The following ZNF20 variants were observed in gnomAD, a reference collection of about 807,000 sequenced individuals.
The protein encoded by ZNF20 is zinc finger protein KOX13.
Under a neutral mutation model 11.0 loss-of-function variants are expected in ZNF20, and 9 were observed. That is an observed-to-expected ratio of 0.82 (90% confidence interval 0.49 to 1.43). The LOEUF (loss-of-function observed/expected upper bound fraction) is 1.43, where lower values mean the gene tolerates loss of function less well. Ranked by LOEUF, ZNF20 falls within the 40% of genes most tolerant of loss-of-function variation. The probability of loss-of-function intolerance (pLI) is 0.00; values close to 1 mark genes in which losing one functional copy is unlikely to be tolerated. For synonymous variants in ZNF20, 182 were observed against 213.0 expected (o/e 0.85, Z 1.27); for missense variants, 528 against 640.8 (o/e 0.82, Z 1.90).
chr19:12,132,808 A>G lies in ZNF20; in HGVS notation c.1378T>C (p.Phe460Leu). The G allele has an allele frequency of 6.2e-7, 1 of 1,613,866 alleles. No individual in the cohort carries two copies. Among genetic ancestry groups the G allele is most frequent in the Non-Finnish European group, 8.5e-7 (1 of 1,179,978 alleles). ...TATCGAATGGAACTGGAACAAGTGA[A>G]GGCTTTGCCACATACCTTACACTCA... ...PYECKVCGKA[F>L]TCSSSIRYHE... Residue 460 changes from phenylalanine to leucine, a missense_variant, in exon 4 of 4, where the codon TTC becomes CTC. Physicochemically the swap from Phe to Leu is conservative, Grantham distance 22. Transcript: ENST00000334213.
rs1016008587 is a variant in ZNF20, at chr19:12,133,835, A to G, written c.351T>C (p.His117=). The change falls in exon 4 of 4, where the codon CAT becomes CAC. Residue 117 remains histidine, a synonymous_variant. Coordinates refer to ENST00000334213, the MANE Select transcript of ZNF20 (RefSeq NM_021143.4). ...CTCTGATATGCGTATTAAGAGATGA[A>G]TGACCCGTGCCAACTTCTCCACACA... ...SSVCGEVGTG[H]SSLNTHIRAD... is the part of the protein sequence containing the mutation. 3 of 1,614,090 alleles carry G rather than the reference A, an allele frequency of 1.9e-6. No homozygotes were observed. The African/African-American group carries it at 4.0e-5, about 22-fold the overall frequency.
intron 1 of ZNF20, 125 bp downstream of exon 1, chr19:12,140,055 G>A: frequency 7.6e-7 from 1 of 1,309,922 alleles, no homozygotes; most frequent in Non-Finnish European, 1.1e-6. Context: ...GACGAGCTGA[G>A]ACAGAGGGAT....
chr19:12,135,661 T>C (rs1287855096), intron 2 of ZNF20, 101 bp from the exon 3 acceptor site: 9 of 1,588,324 alleles, frequency 5.7e-6, no homozygotes, highest in Admixed American at 1.8e-5. Context: ...CCATGCCTGA[T>C]TTATTCATCA....
rs749629923 is a variant in ZNF20, at chr19:12,133,980, A to G, written c.206T>C (p.Met69Thr). 6.2e-6 allele frequency: 10 copies of G among 1,601,268 alleles called. No individual in the cohort carries two copies. The highest frequency in any genetic ancestry group is 2.2e-5 in the South Asian group (2 of 89,628). ...TTTACTTTCACAGAGTTTCTCTCTC[A>G]TAAGACTTCAGTGAAAAATGAGAAG... Reference protein sequence around the residue: ...YKNPRRNLSLMREKLCESKES... With the variant: ...YKNPRRNLSLTREKLCESKES... Residue 69 changes from methionine to threonine, a missense_variant, in exon 4 of 4, where the codon ATG (methionine) becomes ACG (threonine). Met to Thr is a moderately conservative substitution (Grantham distance 81). Transcript: ENST00000334213.
Position 12,140,295 on chromosome 19 carries a change from G to C in ZNF20, c.-113C>G. On this transcript the variant is annotated 5_prime_UTR_variant, in exon 1 of 4. Transcript: ENST00000334213. ...GTGGCAGAGGGACCCGGGGCCTCTC[G>C]GAGTAGGAAATCTGGTATCCCGACA... 1 of 1,387,586 alleles carries C rather than the reference G, an allele frequency of 7.2e-7. No homozygotes were observed. Among genetic ancestry groups the C allele is most frequent in the South Asian group, 1.2e-5 (1 of 80,922 alleles). The allele number at this position is 1,387,586 out of a possible 1,614,324, so 86.0% of individuals were successfully genotyped here. A position where few individuals can be genotyped will look rare whatever the true frequency, so the allele number is the denominator to read the frequency against.
In ZNF20 at chr19:12,140,288, G is replaced by T; in HGVS notation, c.-106C>A. ...AGAAGTTGTGGCAGAGGGACCCGGG[G>T]CCTCTCGGAGTAGGAAATCTGGTAT... On this transcript the variant is annotated 5_prime_UTR_variant, in exon 1 of 4. Transcript: ENST00000334213. 1 of 1,436,442 alleles carries T rather than the reference G, an allele frequency of 7.0e-7. No homozygotes were observed. Among genetic ancestry groups the T allele is most frequent in the Non-Finnish European group, 9.6e-7 (1 of 1,041,472 alleles). 89.0% of individuals were successfully genotyped at this position (1,436,442 alleles called of 1,614,324 possible).
intron 1 of ZNF20, 40 bp downstream of exon 1, chr19:12,140,140 G>T (rs1976777612): frequency 1.3e-6 from 2 of 1,588,592 alleles, no homozygotes; most frequent in East Asian, 4.6e-5. Context: ...GTTCCACCCA[G>T]CCCCTCCCCC....
chr19:12,138,840 A>G (rs977398469), intron 1 of ZNF20, among the ~76,000 whole-genome samples: 1 of 152,176 alleles, frequency 6.6e-6, no homozygotes, highest in Non-Finnish European at 1.5e-5. Context: ...GAAAGTTGAT[A>G]ATACTGTGAG....
chr19:12,134,139 C>A (rs1232377404), intron 3 of ZNF20, among the ~76,000 whole-genome samples, 154 bp from the exon 4 acceptor site: 2 of 151,946 alleles, frequency 1.3e-5, no homozygotes, highest in Admixed American at 6.6e-5. Context: ...TCCTGGCCAA[C>A]ATGGTGAAAC....
chr19:12,133,375 G>T lies in ZNF20; in HGVS notation c.811C>A (p.Arg271Ser), dbSNP rs541865362. 6.2e-7 allele frequency: 1 copy of T among 1,614,032 alleles called. No homozygotes were observed. Among genetic ancestry groups the T allele is most frequent in the Non-Finnish European group, 8.5e-7 (1 of 1,180,022 alleles). ...CCAGTGTGAGACCTTTTATGTCTAC[G>T]AATTTCACTAGGAAAACTGAATGCA... ...GNAFSFPSEI[R>S]RHKRSHTGEK... The change falls in exon 4 of 4, where the codon CGT (arginine) becomes AGT (serine). Residue 271 changes from arginine to serine, a missense_variant. Arg to Ser is a moderately radical substitution (Grantham distance 110). Transcript: ENST00000334213.
rs751600206 is a variant in ZNF20, at chr19:12,133,606, T to C, written c.580A>G (p.Ser194Gly). The C allele has an allele frequency of 1.9e-6, 3 of 1,614,228 alleles. No homozygotes were observed. The highest frequency in any genetic ancestry group is 2.5e-6 in the Non-Finnish European group (3 of 1,180,038). Residue 194 changes from serine (S) to glycine (G), a missense_variant, in exon 4 of 4, where the codon AGT becomes GGT. By Grantham distance (56) the Ser-to-Gly change is moderately conservative. Coordinates refer to ENST00000334213, the MANE Select transcript of ZNF20 (RefSeq NM_021143.4). ...TTACATTTATAAGGTCCATCTCCACTGTGCATTACCCTGTGTCTTTGAATG... is the reference window on the plus strand; with the variant it reads ...TTACATTTATAAGGTCCATCTCCACCGTGCATTACCCTGTGTCTTTGAATG... ...SCIQRHRVMH[S>G]GDGPYKCKFC...
Position 12,140,191 on chromosome 19 carries a change from T to C in ZNF20, c.-9A>G. ...CCCCATACACTCACCATTTCCCGGC[T>C]TCTGGGTGTCCCGGTGTCCTCTCTA... On this transcript the variant is annotated 5_prime_UTR_variant, in exon 1 of 4. Coordinates refer to ENST00000334213, the MANE Select transcript of ZNF20 (RefSeq NM_021143.4). The C allele has an allele frequency of 6.2e-7, 1 of 1,603,952 alleles. No individual in the cohort carries two copies. The highest frequency in any genetic ancestry group is 8.5e-7 in the Non-Finnish European group (1 of 1,175,100).
Position 12,132,518 on chromosome 19 carries a change from C to A in ZNF20, c.*69G>T, listed in dbSNP as rs1276927833. 3.4e-6 allele frequency: 5 copies of A among 1,481,104 alleles called. No homozygotes were observed. In the Admixed American group the frequency reaches 1.1e-4, roughly 34 times the overall value. The allele number at this position is 1,481,104 out of a possible 1,614,324, so 91.7% of individuals were successfully genotyped here. A position where few individuals can be genotyped will look rare whatever the true frequency, so the allele number is the denominator to read the frequency against. On this transcript the variant is annotated 3_prime_UTR_variant, in exon 4 of 4. Coordinates refer to ENST00000334213, the MANE Select transcript of ZNF20 (RefSeq NM_021143.4). ...TATCCAGAGGTTCTTTCACCACTCT[C>A]TTTTCTTGTGTTTCAAAGGAAGTGG...
chr19:12,135,646 G>T, intron 2 of ZNF20, 86 bp from the exon 3 acceptor site: 1 of 1,585,852 alleles, frequency 6.3e-7, no homozygotes, highest in Non-Finnish European at 8.6e-7. Flanking sequence ...CATGGTACAT[G>T]GTAGCCATGC....
intron 3 of ZNF20, among the ~76,000 whole-genome samples, chr19:12,134,927 T>C (rs757654132): frequency 2.6e-4 from 40 of 152,106 alleles, no homozygotes; most frequent in Non-Finnish European, 5.9e-4. Flanking sequence ...AATTGGAGTG[T>C]AGTGGTACCA....
At position 12,139,577 on chromosome 19, in the gene ZNF20, T is replaced by C. The variant is rs1367928387; in HGVS notation, c.3+603A>G. ...ATGGAATCTCGCTCTGTCCCCTAGG[T>C]TGGAGTGCAGTGGCGTGATCTCGGC... On this transcript the variant is annotated intron_variant, in intron 1 of 3. Coordinates refer to ENST00000334213, the MANE Select transcript of ZNF20 (RefSeq NM_021143.4). The surrounding 1 kb of genome is among the most constrained non-coding windows in gnomAD (Gnocchi z 4.0). Among the ~76,000 whole-genome samples, 1 of 151,716 alleles carries C rather than the reference T, an allele frequency of 6.6e-6. No individual in the cohort carries two copies. Among genetic ancestry groups the C allele is most frequent in the Non-Finnish European group, 1.5e-5 (1 of 67,956 alleles).
chr19:12,134,802 A>G (rs137938423), intron 3 of ZNF20, among the ~76,000 whole-genome samples: 1 of 152,168 alleles, frequency 6.6e-6, no homozygotes, highest in Admixed American at 6.6e-5. Flanking sequence ...ATATTTTTTT[A>G]AAATTAGTAT....
At chr19:12,138,549 A>G (rs1165901966) in intron 1 of ZNF20, among the ~76,000 whole-genome samples, 1 of 152,006 alleles carries the variant, frequency 6.6e-6, no homozygotes, top group African/African-American at 2.4e-5. Flanking sequence ...CTGGAGTATC[A>G]AGTGGTTATT....
rs774513383 is a variant in ZNF20, at chr19:12,140,196, G to T, written c.-14C>A. The T allele has an allele frequency of 1.6e-5, 26 of 1,601,706 alleles. No homozygotes were observed. Among genetic ancestry groups the T allele is most frequent in the Non-Finnish European group, 8.5e-7 (1 of 1,173,960 alleles). ...TACACTCACCATTTCCCGGCTTCTG[G>T]GTGTCCCGGTGTCCTCTCTAGGGCT... On this transcript the variant is annotated 5_prime_UTR_variant, in exon 1 of 4. Coordinates refer to ENST00000334213, the MANE Select transcript of ZNF20 (RefSeq NM_021143.4).
Sources: gnomAD v4.1 joint callset for allele counts (sites outside exome capture counted in the v4.1 genomes callset) on GRCh38, gnomAD v4.1.1 for gene constraint, Gnocchi (gnomAD v3.1) non-coding constraint, MANE v1.5 for transcripts, NCBI Gene and HGNC (gene_info 2026-07-23, HGNC 2026-07-21) for gene names.